NAALADL2: variants seen among roughly 807,000 people sequenced by gnomAD.
The protein encoded by NAALADL2 is inactive N-acetylated-alpha-linked acidic dipeptidase-like protein 2.
A neutral mutation model predicts 87.2 loss-of-function variants in NAALADL2; 76 were observed. That is an observed-to-expected ratio of 0.87 (90% CI 0.72 to 1.05). NAALADL2 has a LOEUF of 1.05. Among genes scored for constraint, NAALADL2 ranks in the 50% least tolerant of loss-of-function variants. NAALADL2 has a pLI of 0.00. For synonymous variants in NAALADL2, 354 were observed against 331.0 expected (o/e 1.07, Z -0.75); for missense variants, 1,089 against 945.8 (o/e 1.15, Z -1.99).
intron 9 of NAALADL2, among the ~76,000 whole-genome samples, chr3:175,564,864 G>A (rs1478495134): frequency 6.6e-6 from 1 of 152,160 alleles, no homozygotes. Flanking sequence ...TTTTGGAAAG[G>A]CTCTGGATTT....
intron 1 of NAALADL2, among the ~76,000 whole-genome samples, chr3:174,975,481 A>T (rs1560431500): frequency 1.3e-5 from 2 of 152,008 alleles, no homozygotes; most frequent in Non-Finnish European, 2.9e-5. Flanking sequence ...TGCAAAAATA[A>T]TTTTTTTCCA....
At chr3:174,755,535 C>A (rs1440207230) in intron 3 of NAALADL2, among the ~76,000 whole-genome samples, 1 of 152,050 alleles carries the variant, frequency 6.6e-6, no homozygotes, top group African/African-American at 2.4e-5. Flanking sequence ...TTCGAGCCAC[C>A]TCTCCTTTGT....
At chr3:174,594,033 G>A (rs1717640559) in intron 2 of NAALADL2, among the ~76,000 whole-genome samples, 1 of 152,114 alleles carries the variant, frequency 6.6e-6, no homozygotes, top group Non-Finnish European at 1.5e-5. Context: ...GAATACAGAT[G>A]TCTAAATTCA....
At chr3:175,288,269 C>A (rs1334514156) in intron 4 of NAALADL2, among the ~76,000 whole-genome samples, 1 of 152,126 alleles carries the variant, frequency 6.6e-6, no homozygotes, top group Non-Finnish European at 1.5e-5. Context: ...GGGATGGTAA[C>A]ATTTTTGTTC....
At chr3:175,371,453 G>A (rs1310167863) in intron 5 of NAALADL2, among the ~76,000 whole-genome samples, 2 of 152,072 alleles carry the variant, frequency 1.3e-5, no homozygotes, top group African/African-American at 4.8e-5. Flanking sequence ...ATTTTTAGTA[G>A]AGATGGGGTT....
chr3:175,217,311 G>A (rs77656338), intron 2 of NAALADL2, among the ~76,000 whole-genome samples: 4,705 of 152,160 alleles, frequency 0.031, 97 homozygotes, highest in African/African-American at 0.056. Flanking sequence ...AACAGCATGC[G>A]TTCATTTCCA....
intron 2 of NAALADL2, among the ~76,000 whole-genome samples, chr3:175,232,102 AAGAAGG>A (rs539323494): frequency 6.6e-6 from 1 of 151,950 alleles, no homozygotes; most frequent in Non-Finnish European, 1.5e-5. Context: ...ATTTAAAAAG[AAGAAGG>A]AGAAGGAGAA....
intron 4 of NAALADL2, among the ~76,000 whole-genome samples, chr3:175,270,462 G>GC: frequency 6.6e-6 from 1 of 152,268 alleles, no homozygotes; most frequent in South Asian, 2.1e-4. Flanking sequence ...GGGAGACATA[G>GC]CCTCAGGCAC....
chr3:174,465,395 G>A (rs1427119328), intron 1 of NAALADL2, among the ~76,000 whole-genome samples: 2 of 152,068 alleles, frequency 1.3e-5, no homozygotes, highest in South Asian at 2.1e-4. Context: ...TACAGAGTTC[G>A]TATTCACTTA....
At chr3:175,622,451 T>A (rs1411442922) in intron 10 of NAALADL2, among the ~76,000 whole-genome samples, 1 of 152,088 alleles carries the variant, frequency 6.6e-6, no homozygotes, top group Non-Finnish European at 1.5e-5. Context: ...TGAACACTTC[T>A]TATTTTTGTT....
intron 3 of NAALADL2, among the ~76,000 whole-genome samples, chr3:174,751,034 C>T (rs1734770761): frequency 6.6e-6 from 1 of 151,898 alleles, no homozygotes; most frequent in Admixed American, 6.6e-5. Context: ...TCTTCCTTTC[C>T]AAAATATATA....
At chr3:175,468,296 G>A (rs1321353811) in intron 8 of NAALADL2, among the ~76,000 whole-genome samples, 3 of 151,974 alleles carry the variant, frequency 2.0e-5, no homozygotes, top group Admixed American at 1.3e-4. Context: ...GAATGTTTGG[G>A]CCATATTCAA....
chr3:174,854,791 A>G (rs1012991015), upstream of NAALADL2, among the ~76,000 whole-genome samples: 3 of 151,648 alleles, frequency 2.0e-5, no homozygotes, highest in African/African-American at 7.3e-5. Flanking sequence ...TTTATTATCA[A>G]ATATTACGTA....
intron 1 of NAALADL2, among the ~76,000 whole-genome samples, chr3:174,946,347 T>C (rs1739415744): frequency 6.6e-6 from 1 of 152,160 alleles, no homozygotes; most frequent in South Asian, 2.1e-4. Flanking sequence ...ATAGAATCTA[T>C]GGTAAAGATG....
At chr3:175,605,640 G>GTTTTTTTTTTTTTTTTTT (rs751433758) in intron 10 of NAALADL2, among the ~76,000 whole-genome samples, 2 of 36,686 alleles carry the variant, frequency 5.5e-5, no homozygotes, top group Non-Finnish European at 1.3e-4. Context: ...TATATTGCTT[G>GTTTTTTTTTTTTTTTTTT]TTTTTTTTTT....
intron 1 of NAALADL2, among the ~76,000 whole-genome samples, chr3:174,499,926 G>C (rs1022751374): frequency 2.0e-5 from 3 of 151,794 alleles, no homozygotes; most frequent in African/African-American, 7.3e-5. Context: ...GGATTTCTGC[G>C]TGAATTTTAG....
intron 1 of NAALADL2, among the ~76,000 whole-genome samples, chr3:174,893,222 G>A (rs1731077054): frequency 6.6e-6 from 1 of 151,884 alleles, no homozygotes; most frequent in African/African-American, 2.4e-5. Flanking sequence ...TAAACATGAA[G>A]GAGAAATGAA....
chr3:174,675,507 C>T (rs1327510641), intron 2 of NAALADL2, among the ~76,000 whole-genome samples: 1 of 152,004 alleles, frequency 6.6e-6, no homozygotes, highest in Non-Finnish European at 1.5e-5. Context: ...TAATTGTGTG[C>T]TCACAGCAAA....
At chr3:175,562,503 A>G (rs1305216332) in intron 9 of NAALADL2, among the ~76,000 whole-genome samples, 3 of 151,878 alleles carry the variant, frequency 2.0e-5, no homozygotes, top group African/African-American at 4.8e-5. Context: ...TATTTTTGAT[A>G]CTATTTTTTC....
Sources: gnomAD v4.1 joint callset for allele counts (sites outside exome capture counted in the v4.1 genomes callset) on GRCh38, gnomAD v4.1.1 for gene constraint, MANE v1.5 for transcripts, NCBI Gene and HGNC (gene_info 2026-07-23, HGNC 2026-07-21) for gene names.